SLC28A3: variants seen among roughly 807,000 people sequenced by gnomAD.
SLC28A3 encodes the protein solute carrier family 28 member 3, also known as concentrative Na(+)-nucleoside cotransporter 3.
A neutral mutation model predicts 84.2 loss-of-function variants in SLC28A3; 68 were observed. The ratio of observed to expected loss-of-function variants is 0.81; its 90% CI spans 0.66 to 0.99. SLC28A3 has a LOEUF of 0.99. Ranked by LOEUF, SLC28A3 falls within the 50% of genes least tolerant of loss-of-function variation. The pLI, the probability that SLC28A3 is intolerant of heterozygous loss-of-function variation, is 0.00. For missense variants in SLC28A3, 712 were observed against 841.5 expected (o/e 0.85, Z 1.90); for synonymous variants, 267 against 303.6 (o/e 0.88, Z 1.25).
At chr9:84,313,229 T>A in intron 2 of SLC28A3, 130 bp downstream of exon 2, 1 of 702,580 alleles carries the variant, frequency 1.4e-6, no homozygotes, top group Non-Finnish European at 2.3e-6. Flanking sequence ...CCCCACACAC[T>A]TTAATTACCA....
rs536865520 is a variant in SLC28A3, at chr9:84,280,068, T to C, written c.1735A>G (p.Met579Val). Residue 579 changes from methionine (M) to valine (V), a missense_variant, in exon 16 of 18, where the codon ATG becomes GTG. Transcript: ENST00000376238. ...ATATCACGCTTTCTGGAAGGAGCCA[T>C]GGATGCTGGGAAACATGGAAGGAGG... ...LGIVIGGLTS[M>V]APSRKRDIAS... is the part of the protein sequence containing the mutation. The C allele has an allele frequency of 4.3e-6, 7 of 1,613,650 alleles. No homozygotes were observed. The South Asian group carries it at 4.4e-5, about 10-fold the overall frequency.
chr9:84,352,217 A>G, the SLC28A3 span, among the ~76,000 whole-genome samples: 9 of 152,052 alleles, frequency 5.9e-5, no homozygotes, highest in Middle Eastern at 3.4e-3. Flanking sequence ...AGAGTCTCGC[A>G]CTGTTGCCTG....
chr9:84,365,382 T>C, the SLC28A3 span, among the ~76,000 whole-genome samples: 5 of 152,226 alleles, frequency 3.3e-5, no homozygotes, highest in African/African-American at 1.2e-4. Flanking sequence ...AGATTTTTTT[T>C]CCTATAGAGT....
At position 84,292,663 on chromosome 9, in the gene SLC28A3, C is replaced by T. The variant is rs1365885351; in HGVS notation, c.1023+5G>A. The T allele has an allele frequency of 6.2e-7, 1 of 1,606,346 alleles. No homozygotes were observed. Among genetic ancestry groups the T allele is most frequent in the Admixed American group, 1.7e-5 (1 of 58,824 alleles). ...ATGTTTTGTTCTGTTGATATTACAACTTACTTGTCCAACAAATATATTGCC... is the reference window on the plus strand; with the variant it reads ...ATGTTTTGTTCTGTTGATATTACAATTTACTTGTCCAACAAATATATTGCC... On this transcript the variant is annotated splice_donor_5th_base_variant and intron_variant, in intron 10 of 17. Coordinates refer to ENST00000376238, the MANE Select transcript of SLC28A3 (RefSeq NM_001199633.2).
the SLC28A3 span, among the ~76,000 whole-genome samples, chr9:84,361,939 A>AAATAAATAAATAAATAAAT: frequency 2.9e-5 from 4 of 140,002 alleles, no homozygotes; most frequent in South Asian, 6.6e-4. Flanking sequence ...AATAAATAAA[A>AAATAAATAAATAAATAAAT]ATTAATTTTT....
At chr9:84,345,157 T>C (rs1049193446), upstream of SLC28A3, among the ~76,000 whole-genome samples, 4 of 151,998 alleles carry the variant, frequency 2.6e-5, no homozygotes, top group Non-Finnish European at 4.4e-5. Context: ...TGCTTCTTAT[T>C]GATGAGACTT....
intron 8 of SLC28A3, among the ~76,000 whole-genome samples, chr9:84,295,871 T>C (rs1257032161): frequency 2.0e-5 from 3 of 152,090 alleles, no homozygotes; most frequent in Non-Finnish European, 2.9e-5. Context: ...TAGAAAAAAA[T>C]CCATTAATAA....
At chr9:84,294,161 A>G (rs1328024315) in intron 9 of SLC28A3, 34 bp downstream of exon 9, 2 of 1,606,242 alleles carry the variant, frequency 1.2e-6, no homozygotes, top group African/African-American at 2.7e-5. Context: ...AATCAGCTCT[A>G]CACCTATAAC....
chr9:84,329,047 T>C lies in SLC28A3; in HGVS notation c.60+11527A>G, dbSNP rs543669840. 4.6e-5 allele frequency among the ~76,000 whole-genome samples: 7 copies of C among 152,302 alleles called. No homozygotes were observed. In the South Asian group the frequency reaches 1.5e-3, roughly 32 times the overall value. The stretch of plus-strand genomic sequence containing the variant: ...TTGAAAGAAAAGGATGGGAAAGATA[T>C]AACATGCAAATAGTAACCAAAGAGA... On this transcript the variant is annotated intron_variant, in intron 1 of 17. Transcript: ENST00000376238.
At chr9:84,340,301 C>A (rs1175981076) in intron 1 of SLC28A3, among the ~76,000 whole-genome samples, 1 of 152,104 alleles carries the variant, frequency 6.6e-6, no homozygotes, top group East Asian at 1.9e-4. Context: ...ATAATGGACC[C>A]CTGCTGTGAG....
At position 84,302,124 on chromosome 9, in the gene SLC28A3, A is replaced by C. The variant is rs1296462394; in HGVS notation, c.524+76T>G. The stretch of plus-strand genomic sequence containing the variant: ...ATCCCATAAATGAGGAAGCAATTTC[A>C]GAACAAATTTTTGAAACGGTGTTGG... On this transcript the variant is annotated intron_variant, in intron 5 of 17. Transcript: ENST00000376238. 1.2e-5 allele frequency: 17 copies of C among 1,447,822 alleles called. No homozygotes were observed. The East Asian group carries it at 3.7e-4, about 31-fold the overall frequency. 89.7% of individuals were successfully genotyped at this position (1,447,822 alleles called of 1,614,324 possible). A position where few individuals can be genotyped will look rare whatever the true frequency, so the allele number is the denominator to read the frequency against.
intron 2 of SLC28A3, chr9:84,310,298 T>C: frequency 1.7e-6 from 1 of 606,022 alleles, no homozygotes. Context: ...ATTAATTGAG[T>C]GTAGGATATC....
chr9:84,361,896 AAG>A, the SLC28A3 span, among the ~76,000 whole-genome samples: 1 of 152,076 alleles, frequency 6.6e-6, no homozygotes, highest in Non-Finnish European at 1.5e-5. Flanking sequence ...GCGACAGAGC[AAG>A]AGTCTGTCTC....
At chr9:84,335,712 C>CGTGTGT (rs56259271) in intron 1 of SLC28A3, among the ~76,000 whole-genome samples, 6,157 of 148,876 alleles carry the variant, frequency 0.041, 181 homozygotes, top group Non-Finnish European at 0.057. Context: ...TATGTATATA[C>CGTGTGT]GTGTGTGTGT....
At chr9:84,279,134 C>G in intron 17 of SLC28A3, 131 bp downstream of exon 17, 1 of 815,964 alleles carries the variant, frequency 1.2e-6, no homozygotes. Context: ...GATTGCGCCA[C>G]TGCACTCCAG....
At chr9:84,299,852 G>A (rs1000903295) in intron 5 of SLC28A3, 127 bp from the exon 6 acceptor site, 3 of 1,098,302 alleles carry the variant, frequency 2.7e-6, no homozygotes, top group African/African-American at 1.6e-5. Context: ...GAGTAGAATG[G>A]AGCGATCTTG....
At chr9:84,357,003 T>C in the SLC28A3 span, among the ~76,000 whole-genome samples, 1 of 152,198 alleles carries the variant, frequency 6.6e-6, no homozygotes, top group Non-Finnish European at 1.5e-5. Context: ...CCAGAATAGA[T>C]TCCATAGCAC....
chr9:84,285,135 A>G (rs1321287013), intron 14 of SLC28A3, among the ~76,000 whole-genome samples: 3 of 150,536 alleles, frequency 2.0e-5, no homozygotes, highest in Non-Finnish European at 4.4e-5. Flanking sequence ...AGCTGTGTCT[A>G]CACACACACG....
At chr9:84,365,910 C>T in the SLC28A3 span, among the ~76,000 whole-genome samples, 6 of 152,050 alleles carry the variant, frequency 3.9e-5, no homozygotes, top group African/African-American at 4.8e-5. Context: ...ATTAGCCAGG[C>T]GTGGTGGCAC....
Sources: gnomAD v4.1 joint callset for allele counts (sites outside exome capture counted in the v4.1 genomes callset) on GRCh38, gnomAD v4.1.1 for gene constraint, MANE v1.5 for transcripts, NCBI Gene and HGNC (gene_info 2026-07-23, HGNC 2026-07-21) for gene names.